NCOR2: variants seen among roughly 807,000 people sequenced by gnomAD.
NCOR2 encodes the protein nuclear receptor corepressor 2.
Under a neutral mutation model 262.9 loss-of-function variants are expected in NCOR2, and 81 were observed. The observed-to-expected ratio is 0.31, with a 90% confidence interval of 0.26 to 0.37. The LOEUF is 0.37. NCOR2 is among the 10% of genes least tolerant of loss of function. The pLI is 1.00. For missense variants in NCOR2, 3,385 were observed against 3,621.4 expected (o/e 0.93, Z 1.68); for synonymous variants, 1,659 against 1,559.3 (o/e 1.06, Z -1.51).
chr12:124,439,931 T>C (rs1217488619), intron 7 of NCOR2, among the ~76,000 whole-genome samples: 1 of 151,868 alleles, frequency 6.6e-6, no homozygotes, highest in African/African-American at 2.4e-5. Context: ...CGGGAGGTTC[T>C]GGAGCCCACG....
rs372116157 is a variant in NCOR2, at chr12:124,362,564, A to T, written c.2929-267T>A. On this transcript the variant is annotated intron_variant, in intron 21 of 46. Transcript: ENST00000405201. Reference sequence around the variant, plus strand: ...CTGCCCCAGCTGCCCGGTGGTGAACAGGGGGAACCCACCTCCCCAGACAGC... The same window carrying T: ...CTGCCCCAGCTGCCCGGTGGTGAACTGGGGGAACCCACCTCCCCAGACAGC... 6.9e-5 allele frequency among the ~76,000 whole-genome samples: 10 copies of T among 145,434 alleles called. No homozygotes were observed. The East Asian group carries it at 1.7e-3, about 25-fold the overall frequency.
At chr12:124,385,717 G>A (rs371804564) in intron 17 of NCOR2, 28 bp downstream of exon 19, 62 of 1,609,994 alleles carry the variant, frequency 3.9e-5, no homozygotes, top group Non-Finnish European at 4.8e-5. Context: ...CTTCCCAGAG[G>A]CGCGGTGCAG....
intron 13 of NCOR2, among the ~76,000 whole-genome samples, chr12:124,417,404 T>C (rs921925102): frequency 2.6e-5 from 4 of 152,058 alleles, no homozygotes; most frequent in Non-Finnish European, 5.9e-5. Context: ...TACCATGGTC[T>C]CCCCACCTCC....
intron 3 of NCOR2, among the ~76,000 whole-genome samples, chr12:124,476,713 A>C (rs2047116528): frequency 6.6e-6 from 1 of 152,198 alleles, no homozygotes; most frequent in Non-Finnish European, 1.5e-5. Context: ...TTCTTCTTTA[A>C]GTTCGGGTTT....
At chr12:124,543,943 A>C (rs1010130437) in intron 1 of NCOR2, among the ~76,000 whole-genome samples, 1 of 152,024 alleles carries the variant, frequency 6.6e-6, no homozygotes, top group African/African-American at 2.4e-5. Context: ...ACGATGATTA[A>C]CTCGTTTAAT....
At chr12:124,445,117 G>A (rs948253290) in intron 7 of NCOR2, among the ~76,000 whole-genome samples, 4 of 152,192 alleles carry the variant, frequency 2.6e-5, no homozygotes, top group African/African-American at 4.8e-5. Flanking sequence ...GGAAGAAACC[G>A]GCTTCCAGGC....
At chr12:124,486,687 A>G in intron 1 of NCOR2, 119 bp from the exon 4 acceptor site, 1 of 1,298,454 alleles carries the variant, frequency 7.7e-7, no homozygotes, top group Non-Finnish European at 1.0e-6. Flanking sequence ...CCCTAGGCAG[A>G]TAAGCCCAAG....
rs115165272 is a variant in NCOR2 at position 124,479,144 on chromosome 12, C to T, written c.411+4452G>A. ...CTGCTCTCTGCGCAGAGACAAAACG[C>T]GCACCTGGGGGACAACTGCCCACTC... On this transcript the variant is annotated intron_variant, in intron 3 of 46. Coordinates refer to ENST00000405201, the Ensembl canonical transcript of NCOR2. Among the ~76,000 whole-genome samples, 927 of 152,330 alleles carry T rather than the reference C, an allele frequency of 6.1e-3. 16 individuals are homozygous for T. Among genetic ancestry groups the T allele is most frequent in the African/African-American group, 0.02 (846 of 41,584 alleles).
At chr12:124,487,618 C>T (rs1464183952) in intron 1 of NCOR2, among the ~76,000 whole-genome samples, 4 of 152,364 alleles carry the variant, frequency 2.6e-5, no homozygotes, top group African/African-American at 4.8e-5. Flanking sequence ...CCCCTCCCTC[C>T]GCCCTGCGGC....
chr12:124,409,139 C>G (rs1310592153), intron 13 of NCOR2, among the ~76,000 whole-genome samples: 1 of 152,250 alleles, frequency 6.6e-6, no homozygotes, highest in Non-Finnish European at 1.5e-5. Context: ...GAAGCCTGTT[C>G]CGCCTGTACA....
chr12:124,429,783 T>A, intron 9 of NCOR2, 77 bp from the exon 12 acceptor site: 1 of 1,345,240 alleles, frequency 7.4e-7, no homozygotes. Flanking sequence ...GGCGCAGCCC[T>A]GAGCCCACGC....
At chr12:124,518,817 C>G (rs2049995114) in intron 1 of NCOR2, among the ~76,000 whole-genome samples, 1 of 152,192 alleles carries the variant, frequency 6.6e-6, no homozygotes, top group Admixed American at 6.5e-5. Context: ...TCCTCCCAGC[C>G]CGGACTGTCC....
chr12:124,481,693 G>T lies in NCOR2; in HGVS notation c.411+1903C>A, dbSNP rs2047500011. On this transcript the variant is annotated intron_variant, in intron 3 of 46. Coordinates refer to ENST00000405201, the Ensembl canonical transcript of NCOR2. The surrounding 1 kb of genome is among the most constrained non-coding windows in gnomAD (Gnocchi z 4.6). ...GGAGATGAGGTCAGGGAGGTGACGG[G>T]GCTGGATCACGCCGGACCTGCAGCC... 6.6e-6 allele frequency among the ~76,000 whole-genome samples: 1 copy of T among 152,200 alleles called. No individual in the cohort carries two copies. Among genetic ancestry groups the T allele is most frequent in the Admixed American group, 6.5e-5 (1 of 15,288 alleles).
At chr12:124,400,473 C>T (rs2041937603) in intron 15 of NCOR2, 28 bp downstream of exon 17, 2 of 1,604,120 alleles carry the variant, frequency 1.2e-6, no homozygotes, top group African/African-American at 2.7e-5. Flanking sequence ...AGCCCCTTCC[C>T]CACCCGCATC....
At chr12:124,411,768 G>C (rs1315419484) in intron 13 of NCOR2, among the ~76,000 whole-genome samples, 1 of 152,230 alleles carries the variant, frequency 6.6e-6, no homozygotes, top group African/African-American at 2.4e-5. Context: ...CAGGGTGGTG[G>C]TGATGGGGCT....
chr12:124,494,374 A>T (rs1313088998), intron 1 of NCOR2, among the ~76,000 whole-genome samples: 1 of 152,230 alleles, frequency 6.6e-6, no homozygotes, highest in Admixed American at 6.5e-5. Context: ...GCAAACACCC[A>T]GAGACATGGT....
intron 37 of NCOR2, 51 bp downstream of exon 39, chr12:124,339,955 C>A (rs1264072339): frequency 1.5e-6 from 2 of 1,345,204 alleles, no homozygotes; most frequent in African/African-American, 1.5e-5. Context: ...CATCCTCCTA[C>A]TGACCACCCA....
chr12:124,378,512 G>T lies in NCOR2; in HGVS notation c.2020-128C>A. ...CGGCCATGTAGCAATGAGGGTGACC[G>T]TCCCCCTCACACCCCACCTCGGCAG... On this transcript the variant is annotated intron_variant, in intron 17 of 46. Coordinates refer to ENST00000405201, the Ensembl canonical transcript of NCOR2. The surrounding 1 kb of genome is among the most constrained non-coding windows in gnomAD (Gnocchi z 4.2). The T allele has an allele frequency of 3.1e-6, 3 of 976,392 alleles. No individual in the cohort carries two copies. The highest frequency in any genetic ancestry group is 5.4e-5 in the East Asian group (2 of 37,294). The allele number at this position is 976,392 out of a possible 1,614,324, so 60.5% of individuals were successfully genotyped here.
In NCOR2 at chr12:124,372,496, G is replaced by A. The variant is rs368780410; in HGVS notation, c.2333C>T (p.Pro778Leu). The change falls in exon 20 of 47, where the codon CCA becomes CTA. Residue 778 changes from proline to leucine, a missense_variant. By Grantham distance (98) the Pro-to-Leu change is moderately conservative. Around this residue, in one of 5 missense-constraint regions of NCOR2, gnomAD observed 1,615 missense variants for 1,626.9 expected, o/e 0.99. Coordinates refer to ENST00000405201, the Ensembl canonical transcript of NCOR2. ...TGGTGGGGTGGGTGGCCCTGGGGGT[G>A]GCCCGTCGGCGCCCAGGGTGGCTGG... is the stretch of plus-strand genomic sequence containing the variant. 1.6e-5 allele frequency: 26 copies of A among 1,583,406 alleles called. No homozygotes were observed. The African/African-American group carries it at 3.4e-4, about 20-fold the overall frequency.
Sources: gnomAD v4.1 joint callset for allele counts (sites outside exome capture counted in the v4.1 genomes callset) on GRCh38, gnomAD v4.1.1 for gene constraint, gnomAD v4.1.1 regional missense constraint, Gnocchi (gnomAD v3.1) non-coding constraint, MANE v1.5 for transcripts, NCBI Gene and HGNC (gene_info 2026-07-23, HGNC 2026-07-21) for gene names.